Variants in PARD3 observed in about 807,000 individuals in gnomAD.
PARD3 encodes par-3 family cell polarity regulator.
In PARD3, 75 loss-of-function variants were observed where a neutral mutation model predicts 155.4. The ratio of observed to expected loss-of-function variants is 0.48; its 90% CI spans 0.40 to 0.58. PARD3 has a LOEUF of 0.58. PARD3 is among the 20% of genes least tolerant of loss of function. The probability of loss-of-function intolerance (pLI) is 0.00; values close to 1 mark genes in which losing one functional copy is unlikely to be tolerated. For synonymous variants in PARD3, 576 were observed against 610.5 expected, an observed-to-expected ratio of 0.94 and a Z score of 0.83; for missense variants, 1,642 against 1,721.7, an observed-to-expected ratio of 0.95 and a Z score of 0.82.
chr10:34,645,190 T>A (rs898571618), intron 2 of PARD3, among the ~76,000 whole-genome samples: 1 of 138,352 alleles, frequency 7.2e-6, no homozygotes, highest in African/African-American at 3.5e-5. Flanking sequence ...ATTTTATTTT[T>A]ATTTTATTTT....
chr10:34,404,546 A>G (rs1844239631), intron 5 of PARD3, among the ~76,000 whole-genome samples: 1 of 152,058 alleles, frequency 6.6e-6, no homozygotes, highest in Admixed American at 6.5e-5. Flanking sequence ...TATAGTATCA[A>G]TTTAAACTAA....
At chr10:34,713,086 C>A (rs557138242) in intron 1 of PARD3, among the ~76,000 whole-genome samples, 3 of 152,088 alleles carry the variant, frequency 2.0e-5, no homozygotes, top group Non-Finnish European at 4.4e-5. Flanking sequence ...GTGGCAGGCA[C>A]CTGTAATCCC....
intron 4 of PARD3, among the ~76,000 whole-genome samples, chr10:34,462,920 G>A (rs1228189972): frequency 1.7e-5 from 2 of 120,452 alleles, no homozygotes; most frequent in African/African-American, 3.2e-5. Context: ...GGAGGGGAGA[G>A]GGGAGGGAAT....
chr10:34,638,065 T>C lies in PARD3; in HGVS notation c.222+58253A>G, dbSNP rs367707863. On this transcript the variant is annotated intron_variant, in intron 2 of 24. Coordinates refer to ENST00000374788, the MANE Select transcript of PARD3 (RefSeq NM_001184785.2). Reference sequence around the variant, plus strand: ...AGTCCACAGAATATAATGGCTGTGATAGTCTGGTAGACAAAAGAATAACCA... The same window carrying C: ...AGTCCACAGAATATAATGGCTGTGACAGTCTGGTAGACAAAAGAATAACCA... Among the ~76,000 whole-genome samples the C allele has an allele frequency of 2.6e-5, 4 of 152,330 alleles. 1 individual carries two copies. Among genetic ancestry groups the C allele is most frequent in the African/African-American group, 9.6e-5 (4 of 41,584 alleles).
At chr10:34,784,871 C>T (rs2134197572) in intron 1 of PARD3, among the ~76,000 whole-genome samples, 1 of 152,314 alleles carries the variant, frequency 6.6e-6, no homozygotes, top group South Asian at 2.1e-4. Context: ...AGCGCAAAAC[C>T]TCCCTGCTGT....
intron 22 of PARD3, among the ~76,000 whole-genome samples, chr10:34,178,512 C>T (rs991634393): frequency 6.6e-6 from 1 of 152,296 alleles, no homozygotes; most frequent in Admixed American, 6.5e-5. Context: ...CAAACATTGA[C>T]CTTTAGCGTA....
At chr10:34,402,018 T>C in intron 5 of PARD3, 101 bp from the exon 6 acceptor site, 1 of 898,298 alleles carries the variant, frequency 1.1e-6, no homozygotes, top group Non-Finnish European at 1.9e-6. Flanking sequence ...GGCATTATGA[T>C]CTTGGTAACT....
chr10:34,317,065 G>A, intron 20 of PARD3, 42 bp downstream of exon 20: 1 of 1,509,184 alleles, frequency 6.6e-7, no homozygotes, highest in Non-Finnish European at 8.9e-7. Context: ...TCACACTCCT[G>A]TATGTTTAAG....
intron 2 of PARD3, among the ~76,000 whole-genome samples, chr10:34,684,778 T>TACACATAC (rs1339416591): frequency 5.0e-5 from 6 of 119,118 alleles, no homozygotes; most frequent in African/African-American, 1.9e-4. Flanking sequence ...TGATGATACA[T>TACACATAC]ACACACACAC....
chr10:34,290,836 A>G (rs1341185077), intron 20 of PARD3, among the ~76,000 whole-genome samples: 1 of 152,168 alleles, frequency 6.6e-6, no homozygotes, highest in Non-Finnish European at 1.5e-5. Context: ...CAGCTGCCCA[A>G]TGAGCTGGCC....
chr10:34,737,925 T>C (rs1006764291), intron 1 of PARD3, among the ~76,000 whole-genome samples: 1 of 152,136 alleles, frequency 6.6e-6, no homozygotes, highest in Admixed American at 6.5e-5. Context: ...TTCTCAGAAC[T>C]GCCATTGAGA....
At chr10:34,350,809 A>G (rs1201837666) in intron 14 of PARD3, among the ~76,000 whole-genome samples, 1 of 152,198 alleles carries the variant, frequency 6.6e-6, no homozygotes, top group Non-Finnish European at 1.5e-5. Context: ...TTCCATCCCA[A>G]GGAAAGTCTT....
intron 22 of PARD3, among the ~76,000 whole-genome samples, chr10:34,146,083 A>C (rs949694748): frequency 1.3e-5 from 2 of 152,166 alleles, no homozygotes; most frequent in Admixed American, 6.5e-5. Context: ...TATATTAACT[A>C]TGTCCATTTT....
chr10:34,568,794 A>G (rs986458914), intron 2 of PARD3, among the ~76,000 whole-genome samples: 1 of 152,180 alleles, frequency 6.6e-6, no homozygotes, highest in African/African-American at 2.4e-5. Flanking sequence ...AATTTCCTCA[A>G]TTGTAAAAAA....
intron 22 of PARD3, among the ~76,000 whole-genome samples, chr10:34,135,401 A>G (rs1018597390): frequency 6.6e-6 from 1 of 152,184 alleles, no homozygotes; most frequent in African/African-American, 2.4e-5. Context: ...AGGTTTAAGG[A>G]AGGGTACCTA....
chr10:34,652,771 C>T (rs189132040), intron 2 of PARD3, among the ~76,000 whole-genome samples: 32 of 152,206 alleles, frequency 2.1e-4, no homozygotes, highest in African/African-American at 5.1e-4. Context: ...AATGAAAATA[C>T]GTTAGTGCAA....
intron 14 of PARD3, among the ~76,000 whole-genome samples, chr10:34,353,025 T>G (rs1838321315): frequency 6.6e-6 from 1 of 150,704 alleles, no homozygotes; most frequent in Non-Finnish European, 1.5e-5. Flanking sequence ...GGAGCGTCTC[T>G]GCCCGGCCGC....
chr10:34,759,775 C>T (rs1465415333), intron 1 of PARD3, among the ~76,000 whole-genome samples: 1 of 152,144 alleles, frequency 6.6e-6, no homozygotes, highest in Non-Finnish European at 1.5e-5. Flanking sequence ...TGAATAAAGG[C>T]ACCCACCATG....
chr10:34,779,419 G>A (rs1839992120), intron 1 of PARD3, among the ~76,000 whole-genome samples: 1 of 151,928 alleles, frequency 6.6e-6, no homozygotes, highest in Admixed American at 6.6e-5. Context: ...GACCATCCTG[G>A]CTAACACGGT....
Sources: allele counts gnomAD v4.1 joint callset (sites outside exome capture counted in the v4.1 genomes callset), GRCh38; gene constraint gnomAD v4.1.1; transcripts MANE v1.5; gene names NCBI Gene and HGNC (gene_info 2026-07-23, HGNC 2026-07-21).